NLK: variants seen among roughly 807,000 people sequenced by gnomAD.
NLK encodes nemo like kinase.
NLK carries 11 observed loss-of-function variants against 59.0 expected under a neutral mutation model. The ratio of observed to expected loss-of-function variants is 0.19; its 90% CI spans 0.12 to 0.31. The LOEUF is 0.31. Among genes scored for constraint, NLK ranks in the 10% least tolerant of loss-of-function variants. NLK has a pLI of 1.00. For missense variants in NLK, 410 were observed against 661.1 expected (o/e 0.62, Z 4.16); for synonymous variants, 235 against 235.9 (o/e 1.00, Z 0.03).
chr17:28,164,432 T>A (rs974372367), intron 5 of NLK, among the ~76,000 whole-genome samples: 20 of 151,234 alleles, frequency 1.3e-4, no homozygotes, highest in Middle Eastern at 3.2e-3. Context: ...ATCTATCCAA[T>A]GTATTTCCAT....
intron 1 of NLK, among the ~76,000 whole-genome samples, chr17:28,069,883 GAAGTT>G (rs917533209): frequency 1.4e-4 from 21 of 152,040 alleles, no homozygotes; most frequent in Non-Finnish European, 2.4e-4. Flanking sequence ...TCTATTTTGA[GAAGTT>G]AAGTTTATCA....
chr17:28,194,667 A>AATTAC lies in NLK; in HGVS notation c.*33_*34insTACAT. 5 of 1,514,318 alleles carry AATTAC rather than the reference A, an allele frequency of 3.3e-6. No individual in the cohort carries two copies. Among genetic ancestry groups the AATTAC allele is most frequent in the Non-Finnish European group, 3.6e-6 (4 of 1,100,888 alleles). The allele number at this position is 1,514,318 out of a possible 1,614,324, so 93.8% of individuals were successfully genotyped here. On this transcript the variant is annotated 3_prime_UTR_variant, in exon 11 of 11. Coordinates refer to ENST00000407008, the MANE Select transcript of NLK (RefSeq NM_016231.5). ...GAAGATAATGTACTACTGAAGATGT[A>AATTAC]ATGTAGCTTTCCACTGGAGTCTGGG...
At chr17:28,081,610 A>C (rs1910349536) in intron 1 of NLK, among the ~76,000 whole-genome samples, 1 of 152,156 alleles carries the variant, frequency 6.6e-6, no homozygotes, top group African/African-American at 2.4e-5. Context: ...CTAAAAGCTG[A>C]CCTTTGAGCT....
At chr17:28,157,415 T>G (rs1907811842) in intron 3 of NLK, among the ~76,000 whole-genome samples, 1 of 152,130 alleles carries the variant, frequency 6.6e-6, no homozygotes, top group African/African-American at 2.4e-5. Context: ...CGTCTCAAAC[T>G]TCTGACCTCA....
intron 1 of NLK, among the ~76,000 whole-genome samples, chr17:28,072,327 CTTTT>C (rs56146394): frequency 3.0e-5 from 4 of 132,736 alleles, no homozygotes; most frequent in Non-Finnish European, 4.9e-5. Flanking sequence ...TCTTCTTTTT[CTTTT>C]TTTTTTTTTT....
At chr17:28,115,450 G>A (rs1395672090) in intron 1 of NLK, among the ~76,000 whole-genome samples, 1 of 152,168 alleles carries the variant, frequency 6.6e-6, no homozygotes, top group Non-Finnish European at 1.5e-5. Context: ...TTTTTGGTAA[G>A]TCAAGTGTTC....
At chr17:28,057,852 T>C (rs1238493424) in intron 1 of NLK, among the ~76,000 whole-genome samples, 1 of 152,194 alleles carries the variant, frequency 6.6e-6, no homozygotes, top group Non-Finnish European at 1.5e-5. Flanking sequence ...ATTTCCCCTA[T>C]ATATAGTACA....
the NLK span, among the ~76,000 whole-genome samples, chr17:28,203,164 TAC>T: frequency 0.014 from 1,938 of 136,326 alleles, 12 homozygotes; most frequent in East Asian, 0.037. Flanking sequence ...TATACATACA[TAC>T]ACACACACAC....
At chr17:28,148,281 A>G (rs1907339698) in intron 3 of NLK, among the ~76,000 whole-genome samples, 1 of 147,738 alleles carries the variant, frequency 6.8e-6, no homozygotes, top group Non-Finnish European at 1.5e-5. Flanking sequence ...TCCTTTTTTT[A>G]TATACACATG....
rs142457931 is a variant in NLK at position 28,174,074 on chromosome 17, C to T, written c.1149+1456C>T. 2.7e-3 allele frequency among the ~76,000 whole-genome samples: 404 copies of T among 152,268 alleles called. 4 individuals are homozygous for T. In the Middle Eastern group the frequency reaches 0.031, roughly 12 times the overall value. ...TTTCCTGTCTGCTGTCTAGATAGAA[C>T]GGCTGGAAAATGTAACCTACTGCAC... On this transcript the variant is annotated intron_variant, in intron 7 of 10. Coordinates refer to ENST00000407008, the MANE Select transcript of NLK (RefSeq NM_016231.5).
At chr17:28,114,884 G>A (rs1482298862) in intron 1 of NLK, among the ~76,000 whole-genome samples, 1 of 152,154 alleles carries the variant, frequency 6.6e-6, no homozygotes, top group Non-Finnish European at 1.5e-5. Context: ...TGGAAAAAAT[G>A]TTAATTAGGT....
At chr17:28,146,468 T>C (rs1597708931) in intron 3 of NLK, among the ~76,000 whole-genome samples, 1 of 152,174 alleles carries the variant, frequency 6.6e-6, no homozygotes, top group Non-Finnish European at 1.5e-5. Context: ...CAGGCATTTA[T>C]ATGTGATTCT....
chr17:28,061,892 TACATATACATAC>T (rs1447145056), intron 1 of NLK: 1 of 142,932 alleles, frequency 7.0e-6, no homozygotes, highest in Non-Finnish European at 1.5e-5. Context: ...TATACATATA[TACATATACATAC>T]ATATATACAT....
chr17:28,186,961 G>A (rs955840628), intron 8 of NLK, among the ~76,000 whole-genome samples: 2 of 152,156 alleles, frequency 1.3e-5, no homozygotes, highest in Admixed American at 1.3e-4. Context: ...TATTGAGCTA[G>A]TGATTTACTA....
At position 28,191,074 on chromosome 17, in the gene NLK, G is replaced by A. The variant is rs755786504; in HGVS notation, c.1290G>A (p.Gly430=). ...TAGCCCACCCCTACCTAGATGAAGGGCGACTACGATATCACACATGTATGT... is the reference window on the plus strand; with the variant it reads ...TAGCCCACCCCTACCTAGATGAAGGACGACTACGATATCACACATGTATGT... ...DALAHPYLDE[G]RLRYHTCMCK... Residue 430 remains glycine, a synonymous_variant, in exon 9 of 11, where the codon GGG becomes GGA. Coordinates refer to ENST00000407008, the MANE Select transcript of NLK (RefSeq NM_016231.5). The A allele has an allele frequency of 1.2e-6, 2 of 1,613,174 alleles. No individual in the cohort carries two copies. The highest frequency in any genetic ancestry group is 1.7e-6 in the Non-Finnish European group (2 of 1,179,662).
chr17:28,108,915 T>A (rs1905330699), intron 1 of NLK, among the ~76,000 whole-genome samples: 1 of 152,116 alleles, frequency 6.6e-6, no homozygotes. Context: ...ACGCCTGTAA[T>A]CCCAGCACTT....
At chr17:28,168,799 T>A in intron 6 of NLK, 142 bp downstream of exon 6, 1 of 637,840 alleles carries the variant, frequency 1.6e-6, no homozygotes, top group Non-Finnish European at 2.7e-6. Flanking sequence ...ATTCAGAAAG[T>A]TATAAAGTTG....
chr17:28,140,930 A>T (rs560348532), intron 3 of NLK, among the ~76,000 whole-genome samples: 6 of 152,316 alleles, frequency 3.9e-5, no homozygotes, highest in South Asian at 2.1e-4. Context: ...TATATTTTCA[A>T]TATCTCTAGT....
downstream of NLK, among the ~76,000 whole-genome samples, chr17:28,200,794 TA>T (rs899800107): frequency 4.6e-5 from 7 of 152,116 alleles, no homozygotes; most frequent in African/African-American, 7.2e-5. Flanking sequence ...CTTTGTTACT[TA>T]AAAAAAATTT....
Sources: gnomAD v4.1 joint callset for allele counts (sites outside exome capture counted in the v4.1 genomes callset) on GRCh38, gnomAD v4.1.1 for gene constraint, MANE v1.5 for transcripts, NCBI Gene and HGNC (gene_info 2026-07-23, HGNC 2026-07-21) for gene names.